MRTFA: variants seen among roughly 807,000 people sequenced by gnomAD.
MRTFA encodes the protein myocardin-related transcription factor A.
Under a neutral mutation model 83.5 loss-of-function variants are expected in MRTFA, and 20 were observed. That is an observed-to-expected ratio of 0.24 (90% CI 0.17 to 0.35). The LOEUF (loss-of-function observed/expected upper bound fraction) is 0.35. MRTFA is among the 10% of genes least tolerant of loss of function. MRTFA has a pLI of 1.00. For missense variants in MRTFA, 1,200 were observed against 1,224.7 expected (o/e 0.98, Z 0.30); for synonymous variants, 659 against 541.2 (o/e 1.22, Z -3.02).
intron 3 of MRTFA, among the ~76,000 whole-genome samples, chr22:40,471,034 A>G (rs1400742250): frequency 6.6e-6 from 1 of 151,944 alleles, no homozygotes; most frequent in Non-Finnish European, 1.5e-5. Flanking sequence ...CAAAATTGAT[A>G]AACCTTTACC....
At chr22:40,630,605 T>TA (rs2056631695) in intron 1 of MRTFA, among the ~76,000 whole-genome samples, 1 of 152,244 alleles carries the variant, frequency 6.6e-6, no homozygotes, top group Non-Finnish European at 1.5e-5. Flanking sequence ...CTACTGCCTC[T>TA]AAAGAGTTTA....
At position 40,442,544 on chromosome 22, in the gene MRTFA, C is replaced by CCCAT. The variant is rs377707987; in HGVS notation, c.308-6994_308-6991dup. On this transcript the variant is annotated intron_variant, in intron 4 of 14. Transcript: ENST00000355630. The stretch of plus-strand genomic sequence containing the variant: ...ATCCCTCCATCTGCCCGCCCACCCA[C>CCCAT]CCATCCATCCATGTATCCAATAAGC... 3.9e-3 allele frequency among the ~76,000 whole-genome samples: 567 copies of CCCAT among 144,416 alleles called. 6 individuals carry two copies. The highest frequency in any genetic ancestry group is 0.014 in the African/African-American group (549 of 39,264). 94.7% of individuals were successfully genotyped at this position (144,416 alleles called of 152,430 possible).
At chr22:40,573,659 T>C (rs987977776) in intron 2 of MRTFA, among the ~76,000 whole-genome samples, 2 of 152,028 alleles carry the variant, frequency 1.3e-5, no homozygotes, top group Non-Finnish European at 2.9e-5. Flanking sequence ...TTCCAGAACT[T>C]TGGGAGGCCA....
intron 4 of MRTFA, among the ~76,000 whole-genome samples, chr22:40,449,766 T>C (rs1569271481): frequency 6.6e-6 from 1 of 152,234 alleles, no homozygotes; most frequent in Admixed American, 6.5e-5. Context: ...AGAGTTTTAA[T>C]TTCCTGGACT....
chr22:40,422,562 T>G (rs2052863930), intron 9 of MRTFA, among the ~76,000 whole-genome samples: 1 of 152,204 alleles, frequency 6.6e-6, no homozygotes, highest in African/African-American at 2.4e-5. Flanking sequence ...GAGAGGCCAC[T>G]CACTGCTCCC....
At chr22:40,541,097 A>G (rs2055283184) in intron 3 of MRTFA, among the ~76,000 whole-genome samples, 1 of 152,210 alleles carries the variant, frequency 6.6e-6, no homozygotes, top group African/African-American at 2.4e-5. Context: ...CCTCAGGAAT[A>G]TTAAGTCAAT....
chr22:40,497,235 C>A (rs1458064940), intron 3 of MRTFA, among the ~76,000 whole-genome samples: 2 of 152,148 alleles, frequency 1.3e-5, no homozygotes, highest in African/African-American at 2.4e-5. Flanking sequence ...GGCACCTGCA[C>A]TGAAATCTAA....
At chr22:40,583,594 G>C (rs879739851) in intron 2 of MRTFA, among the ~76,000 whole-genome samples, 1 of 152,196 alleles carries the variant, frequency 6.6e-6, no homozygotes, top group Non-Finnish European at 1.5e-5. Context: ...GGACTGAGTA[G>C]TGGGGAGCAA....
chr22:40,417,513 G>A lies in MRTFA; in HGVS notation c.2365-20C>T, dbSNP rs1470620817. The A allele has an allele frequency of 1.5e-6, 2 of 1,322,932 alleles. No homozygotes were observed. Among genetic ancestry groups the A allele is most frequent in the South Asian group, 1.2e-5 (1 of 82,570 alleles). The allele number at this position is 1,322,932 out of a possible 1,614,324, so 81.9% of individuals were successfully genotyped here. ...CGAGGGCTGGACAGGAGAGCAGGGA[G>A]AGGACCAGTGGCCAGGGGGCTGGGG... On this transcript the variant is annotated intron_variant, in intron 12 of 14. Coordinates refer to ENST00000355630, the MANE Select transcript of MRTFA (RefSeq NM_020831.6).
chr22:40,587,935 G>T, intron 2 of MRTFA: 1 of 384,478 alleles, frequency 2.6e-6, no homozygotes, highest in Non-Finnish European at 5.0e-6. Context: ...GAGACAAAGT[G>T]ACATTTTTGC....
chr22:40,472,873 A>AC (rs2053938583), intron 3 of MRTFA, among the ~76,000 whole-genome samples: 1 of 152,076 alleles, frequency 6.6e-6, no homozygotes, highest in African/African-American at 2.4e-5. Flanking sequence ...GTGAAAATGG[A>AC]CCCCCAAGCT....
At chr22:40,606,665 C>G (rs575201427) in intron 1 of MRTFA, among the ~76,000 whole-genome samples, 25 of 152,272 alleles carry the variant, frequency 1.6e-4, no homozygotes, top group African/African-American at 5.8e-4. Context: ...TGTGTATATG[C>G]TTCATCTGGA....
intron 1 of MRTFA, among the ~76,000 whole-genome samples, chr22:40,619,139 TG>T (rs1455038338): frequency 2.0e-5 from 3 of 152,048 alleles, no homozygotes; most frequent in Non-Finnish European, 4.4e-5. Flanking sequence ...ATTTTGTAGA[TG>T]TAACTAACAT....
Position 40,411,643 on chromosome 22 carries a change from A to C in MRTFA, c.2843T>G (p.Leu948Arg). The C allele has an allele frequency of 6.2e-7, 1 of 1,613,300 alleles. No homozygotes were observed. Residue 948 changes from leucine to arginine, a missense_variant, in exon 15 of 15, where the codon CTG becomes CGG. By Grantham distance (102) the Leu-to-Arg change is moderately radical. Coordinates refer to ENST00000355630, the MANE Select transcript of MRTFA (RefSeq NM_020831.6). ...GTGGTCCAGGATGGCAGTGCTGCTC[A>C]GCATCTGGCTATGGAGGTCGTCAAT...
intron 3 of MRTFA, among the ~76,000 whole-genome samples, chr22:40,482,853 G>A (rs1480784452): frequency 2.0e-5 from 3 of 152,112 alleles, no homozygotes; most frequent in Non-Finnish European, 4.4e-5. Flanking sequence ...AATTAGGCCA[G>A]GGACAGTGGG....
chr22:40,527,154 ACAC>A (rs1026971850), intron 3 of MRTFA, among the ~76,000 whole-genome samples: 20 of 151,340 alleles, frequency 1.3e-4, no homozygotes, highest in African/African-American at 4.8e-4. Flanking sequence ...ACACACACAC[ACAC>A]AAATACTTTT....
intron 2 of MRTFA, among the ~76,000 whole-genome samples, chr22:40,583,324 A>G (rs2055978051): frequency 6.6e-6 from 1 of 152,230 alleles, no homozygotes. Context: ...CTAGGCAGTC[A>G]GAACTTTGGT....
Position 40,573,617 on chromosome 22 carries a change from C to T in MRTFA, c.-22+21057G>A, listed in dbSNP as rs576219069. Among the ~76,000 whole-genome samples, 93 of 151,922 alleles carry T rather than the reference C, an allele frequency of 6.1e-4. 2 individuals carry two copies. The South Asian group carries it at 0.011, about 18-fold the overall frequency. ...TGATTTATATCTCAACTTTTAAGAA[C>T]GAGAGCCAGGCACAGAATCCCATAC... On this transcript the variant is annotated intron_variant, in intron 2 of 14. Coordinates refer to ENST00000355630, the MANE Select transcript of MRTFA (RefSeq NM_020831.6).
At chr22:40,573,070 A>G (rs1264979048) in intron 2 of MRTFA, among the ~76,000 whole-genome samples, 2 of 152,214 alleles carry the variant, frequency 1.3e-5, no homozygotes, top group Non-Finnish European at 2.9e-5. Flanking sequence ...GAATGGGTAA[A>G]TCCACAGAGA....
Sources: allele counts gnomAD v4.1 joint callset (sites outside exome capture counted in the v4.1 genomes callset), GRCh38; gene constraint gnomAD v4.1.1; transcripts MANE v1.5; gene names NCBI Gene and HGNC (gene_info 2026-07-23, HGNC 2026-07-21).